The following RTN4 variants were observed in gnomAD, a reference collection of about 807,000 sequenced individuals.
The protein encoded by RTN4 is reticulon 4.
In RTN4, 32 loss-of-function variants were observed where a neutral mutation model predicts 90.4. That is an observed-to-expected ratio of 0.35 (90% CI 0.27 to 0.48). The LOEUF (loss-of-function observed/expected upper bound fraction) is 0.48, where lower values mean the gene tolerates loss of function less well. Among genes scored for constraint, RTN4 ranks in the 20% least tolerant of loss-of-function variants. The pLI, the probability that RTN4 is intolerant of heterozygous loss-of-function variation, is 0.99. For synonymous variants in RTN4, 629 were observed against 552.5 expected (o/e 1.14, Z -1.94); for missense variants, 1,706 against 1,430.2 (o/e 1.19, Z -3.11).
chr2:55,073,016 C>G (rs1668542774), intron 2 of RTN4, among the ~76,000 whole-genome samples: 1 of 152,118 alleles, frequency 6.6e-6, no homozygotes, highest in African/African-American at 2.4e-5. Context: ...AGCTTCCATC[C>G]CTCAATATAA....
intron 1 of RTN4, among the ~76,000 whole-genome samples, chr2:55,091,930 GC>G (rs1668944976): frequency 6.6e-6 from 1 of 152,120 alleles, no homozygotes. Context: ...AACAGCACAG[GC>G]AAGACTGGCC....
At chr2:54,983,338 A>C (rs1471054559) in intron 4 of RTN4, among the ~76,000 whole-genome samples, 7 of 151,620 alleles carry the variant, frequency 4.6e-5, no homozygotes, top group African/African-American at 7.3e-5. Context: ...TAAATAAATA[A>C]ATAAATAAAT....
At chr2:55,046,035 G>A (rs561013753) in intron 1 of RTN4, among the ~76,000 whole-genome samples, 1 of 152,138 alleles carries the variant, frequency 6.6e-6, no homozygotes, top group South Asian at 2.1e-4. Flanking sequence ...GGGCACAACA[G>A]CAAACAGTAA....
Position 55,025,245 on chromosome 2 carries a change from G to T in RTN4, c.2854C>A (p.Pro952Thr), listed in dbSNP as rs1317909000. The change falls in exon 3 of 9, where the codon CCT (proline) becomes ACT (threonine). Residue 952 changes from proline to threonine, a missense_variant. Pro to Thr is a conservative substitution (Grantham distance 38). Coordinates refer to ENST00000337526, the MANE Select transcript of RTN4 (RefSeq NM_020532.5). The stretch of plus-strand genomic sequence containing the variant: ...GTGGCCAAAGCAGAAACATCTGGAG[G>T]CAATAAGAGCACCTTTGATGTAGCA... ...GSATSKVLLL[P>T]PDVSALATQA... 4 of 1,613,828 alleles carry T rather than the reference G, an allele frequency of 2.5e-6. No individual in the cohort carries two copies. Among genetic ancestry groups the T allele is most frequent in the Non-Finnish European group, 2.5e-6 (3 of 1,179,842 alleles).
Position 54,985,153 on chromosome 2 carries a change from C to CTTTTTT in RTN4, c.3221+2332_3221+2337dup, listed in dbSNP as rs71769973. 7.9e-4 allele frequency among the ~76,000 whole-genome samples: 46 copies of CTTTTTT among 57,896 alleles called. 7 individuals carry two copies. The highest frequency in any genetic ancestry group is 1.4e-3 in the African/African-American group (19 of 13,904). 38.0% of individuals were successfully genotyped at this position (57,896 alleles called of 152,430 possible). ...TGGCTTGATAATAATATGACTCGGC[C>CTTTTTT]TTTTTTTTTTTTTTTTTTTTTTTTT... On this transcript the variant is annotated intron_variant, in intron 4 of 8. Coordinates refer to ENST00000337526, the MANE Select transcript of RTN4 (RefSeq NM_020532.5).
At chr2:55,097,323 C>T (rs925388123) in intron 1 of RTN4, among the ~76,000 whole-genome samples, 1 of 148,434 alleles carries the variant, frequency 6.7e-6, no homozygotes, top group Non-Finnish European at 1.5e-5. Context: ...AAAAAAATTC[C>T]TTGGCCTCAG....
At chr2:54,993,306 G>C (rs1445612858) in intron 3 of RTN4, among the ~76,000 whole-genome samples, 3 of 152,108 alleles carry the variant, frequency 2.0e-5, no homozygotes, top group Admixed American at 6.5e-5. Flanking sequence ...TACTACTGAA[G>C]AGTCTTATGA....
intron 2 of RTN4, among the ~76,000 whole-genome samples, chr2:55,071,326 C>G (rs1469832590): frequency 6.6e-6 from 1 of 151,774 alleles, no homozygotes; most frequent in Admixed American, 6.6e-5. Context: ...TAGTACCTTC[C>G]CTACCTTCTG....
chr2:55,059,267 A>C (rs896334496), intron 2 of RTN4, among the ~76,000 whole-genome samples: 2 of 151,754 alleles, frequency 1.3e-5, no homozygotes, highest in African/African-American at 4.8e-5. Context: ...GCCTGTGCTG[A>C]TCTCGACATC....
intron 3 of RTN4, among the ~76,000 whole-genome samples, chr2:55,016,979 T>C (rs1324910352): frequency 6.6e-6 from 1 of 152,210 alleles, no homozygotes; most frequent in African/African-American, 2.4e-5. Context: ...TACATATTTA[T>C]TTTCAATCTG....
chr2:55,025,721 G>A lies in RTN4; in HGVS notation c.2378C>T (p.Pro793Leu). Reference sequence around the variant, plus strand: ...TTCCAAATATGGCTTTCCTCCCTCAGGTGGCAAAGCACTGAGTTTTTCCTT... The same window carrying A: ...TTCCAAATATGGCTTTCCTCCCTCAAGTGGCAAAGCACTGAGTTTTTCCTT... ...ENKEKLSALP[P>L]EGGKPYLESF... The change falls in exon 3 of 9, where the codon CCT becomes CTT. Residue 793 changes from proline to leucine, a missense_variant. By Grantham distance (98) the Pro-to-Leu change is moderately conservative (BLOSUM62 -3). Transcript: ENST00000337526. 1 of 1,613,724 alleles carries A rather than the reference G, an allele frequency of 6.2e-7. No homozygotes were observed. Among genetic ancestry groups the A allele is most frequent in the Non-Finnish European group, 8.5e-7 (1 of 1,179,824 alleles).
intron 3 of RTN4, among the ~76,000 whole-genome samples, chr2:55,005,570 C>A (rs915096438): frequency 1.3e-5 from 2 of 152,008 alleles, no homozygotes; most frequent in African/African-American, 4.8e-5. Flanking sequence ...CGCCCAAAGC[C>A]TAAATAACAT....
chr2:55,095,225 G>A (rs532040819), intron 1 of RTN4, among the ~76,000 whole-genome samples: 38 of 152,214 alleles, frequency 2.5e-4, no homozygotes, highest in Admixed American at 3.9e-4. Context: ...TTGGGAGGCT[G>A]AGGCAGGAGA....
At chr2:54,991,526 G>A (rs111958880) in intron 3 of RTN4, among the ~76,000 whole-genome samples, 130 of 152,204 alleles carry the variant, frequency 8.5e-4, no homozygotes, top group Middle Eastern at 3.4e-3. Context: ...CAGTTTTATC[G>A]TCCATAAAGG....
intron 1 of RTN4, among the ~76,000 whole-genome samples, chr2:55,086,894 A>G (rs1668852475): frequency 6.7e-6 from 1 of 149,540 alleles, no homozygotes; most frequent in Non-Finnish European, 1.5e-5. Flanking sequence ...TCCTGGCCTC[A>G]AGCGATCCTT....
intron 2 of RTN4, among the ~76,000 whole-genome samples, chr2:55,061,099 T>G (rs1668283113): frequency 7.0e-6 from 1 of 143,270 alleles, no homozygotes; most frequent in African/African-American, 2.6e-5. Context: ...AGAGTCTCAC[T>G]CTGTCACCCA....
chr2:55,028,080 C>A, intron 2 of RTN4, 84 bp downstream of exon 2: 7 of 1,177,108 alleles, frequency 5.9e-6, no homozygotes, highest in South Asian at 3.5e-5. Context: ...TTTAGTAAAC[C>A]CAAACTACTC....
At chr2:55,108,689 T>C (rs1018893921) in intron 1 of RTN4, among the ~76,000 whole-genome samples, 2 of 152,092 alleles carry the variant, frequency 1.3e-5, no homozygotes, top group African/African-American at 4.8e-5. Flanking sequence ...ATTACTTTGA[T>C]TCCCATAAAG....
At chr2:55,085,852 TAAC>T (rs966781321) in intron 1 of RTN4, among the ~76,000 whole-genome samples, 2 of 152,228 alleles carry the variant, frequency 1.3e-5, no homozygotes, top group Non-Finnish European at 2.9e-5. Flanking sequence ...TGTTGGATCA[TAAC>T]AAATCAAATC....
Sources: allele counts gnomAD v4.1 joint callset (sites outside exome capture counted in the v4.1 genomes callset), GRCh38; gene constraint gnomAD v4.1.1; transcripts MANE v1.5; gene names NCBI Gene and HGNC (gene_info 2026-07-23, HGNC 2026-07-21).